PPARGC1A: variants seen among roughly 807,000 people sequenced by gnomAD.
PPARGC1A encodes the protein peroxisome proliferator-activated receptor gamma coactivator 1-alpha.
In PPARGC1A, 25 loss-of-function variants were observed where a neutral mutation model predicts 88.7. The ratio of observed to expected loss-of-function variants is 0.28; its 90% CI spans 0.21 to 0.39. PPARGC1A has a LOEUF of 0.39. Ranked by LOEUF, PPARGC1A falls within the 10% of genes least tolerant of loss-of-function variation. The pLI, the probability that PPARGC1A is intolerant of heterozygous loss-of-function variation, is 1.00. For synonymous variants in PPARGC1A, 363 were observed against 355.6 expected, an observed-to-expected ratio of 1.02 and a Z score of -0.24; for missense variants, 880 against 968.7, an observed-to-expected ratio of 0.91 and a Z score of 1.22.
chr4:24,410,833 G>A, the PPARGC1A span, among the ~76,000 whole-genome samples: 1 of 152,124 alleles, frequency 6.6e-6, no homozygotes, highest in Non-Finnish European at 1.5e-5. Context: ...GTTCGCCAGG[G>A]GCTCCCAGGC....
chr4:24,122,210 A>G, the PPARGC1A span, among the ~76,000 whole-genome samples: 29 of 152,178 alleles, frequency 1.9e-4, no homozygotes, highest in Non-Finnish European at 3.5e-4. Flanking sequence ...GTCTGACTTC[A>G]GGCCAAGCCA....
the PPARGC1A span, among the ~76,000 whole-genome samples, chr4:24,241,190 C>T: frequency 6.6e-6 from 1 of 151,974 alleles, no homozygotes; most frequent in African/African-American, 2.4e-5. Flanking sequence ...GCCCAAATTC[C>T]TTGTGGATCA....
the PPARGC1A span, among the ~76,000 whole-genome samples, chr4:24,180,207 G>A: frequency 2.4e-4 from 36 of 152,138 alleles, no homozygotes; most frequent in Admixed American, 5.9e-4. Context: ...TCTCCAAATC[G>A]TATTCATTTA....
chr4:24,325,652 CCTT>C, the PPARGC1A span, among the ~76,000 whole-genome samples: 7 of 152,136 alleles, frequency 4.6e-5, no homozygotes, highest in African/African-American at 1.7e-4. Flanking sequence ...CTGACCGACT[CCTT>C]CTCGGCTTAG....
chr4:23,799,522 G>A (rs1718269603), intron 12 of PPARGC1A, among the ~76,000 whole-genome samples: 1 of 152,302 alleles, frequency 6.6e-6, no homozygotes, highest in Admixed American at 6.5e-5. Flanking sequence ...CCAAAGCCTG[G>A]CCTCTTCAGA....
At chr4:24,357,611 T>C in the PPARGC1A span, among the ~76,000 whole-genome samples, 1 of 152,210 alleles carries the variant, frequency 6.6e-6, no homozygotes, top group Non-Finnish European at 1.5e-5. Context: ...TCGATATGGT[T>C]TTGCTGTGTC....
chr4:23,832,672 C>A (rs1372281530), intron 2 of PPARGC1A, among the ~76,000 whole-genome samples: 1 of 149,132 alleles, frequency 6.7e-6, no homozygotes, highest in Non-Finnish European at 1.5e-5. Context: ...TGCAGTGGCG[C>A]GATCTCGGCT....
At chr4:24,360,951 C>T in the PPARGC1A span, among the ~76,000 whole-genome samples, 2 of 152,282 alleles carry the variant, frequency 1.3e-5, no homozygotes, top group South Asian at 2.1e-4. Flanking sequence ...AGCTAGTGCT[C>T]ATTTAGGCAC....
chr4:24,124,877 T>A, the PPARGC1A span, among the ~76,000 whole-genome samples: 2 of 152,160 alleles, frequency 1.3e-5, no homozygotes, highest in African/African-American at 4.8e-5. Context: ...AGCTTGCTGA[T>A]CATATCACTG....
the PPARGC1A span, among the ~76,000 whole-genome samples, chr4:24,409,496 A>G: frequency 6.6e-6 from 1 of 152,230 alleles, no homozygotes; most frequent in South Asian, 2.1e-4. Flanking sequence ...TGTACACCGG[A>G]AAGTGCTACA....
At chr4:23,798,078 A>G (rs1717959375) in intron 12 of PPARGC1A, among the ~76,000 whole-genome samples, 1 of 151,962 alleles carries the variant, frequency 6.6e-6, no homozygotes, top group African/African-American at 2.4e-5. Flanking sequence ...TGCCCACCAG[A>G]GAACAACCCC....
the PPARGC1A span, among the ~76,000 whole-genome samples, chr4:24,291,711 C>T: frequency 6.6e-6 from 1 of 152,152 alleles, no homozygotes; most frequent in South Asian, 2.1e-4. Flanking sequence ...TGAAGCTGAA[C>T]TCAGCGGCTC....
At chr4:24,392,401 C>T in the PPARGC1A span, among the ~76,000 whole-genome samples, 1 of 152,192 alleles carries the variant, frequency 6.6e-6, no homozygotes, top group Non-Finnish European at 1.5e-5. Flanking sequence ...AGATGGCTAA[C>T]CATGATGCCT....
At chr4:24,217,265 T>C in the PPARGC1A span, among the ~76,000 whole-genome samples, 1 of 152,210 alleles carries the variant, frequency 6.6e-6, no homozygotes, top group African/African-American at 2.4e-5. Context: ...CTGCTTCAAC[T>C]ACCTGAGATG....
chr4:24,462,289 G>A, the PPARGC1A span, among the ~76,000 whole-genome samples: 1 of 149,426 alleles, frequency 6.7e-6, no homozygotes, highest in African/African-American at 2.5e-5. Flanking sequence ...TAGAGGCAGG[G>A]TTTCACCTTG....
At chr4:24,016,124 G>A in the PPARGC1A span, among the ~76,000 whole-genome samples, 1 of 152,106 alleles carries the variant, frequency 6.6e-6, no homozygotes, top group Non-Finnish European at 1.5e-5. Context: ...GTTTAAGCAA[G>A]GAAACAGTTT....
chr4:24,298,463 A>G, the PPARGC1A span, among the ~76,000 whole-genome samples: 2 of 152,180 alleles, frequency 1.3e-5, no homozygotes, highest in Non-Finnish European at 2.9e-5. Flanking sequence ...TTAAAATAGC[A>G]TCTATTATGT....
chr4:23,945,688 G>C, the PPARGC1A span, among the ~76,000 whole-genome samples: 1 of 152,190 alleles, frequency 6.6e-6, no homozygotes, highest in Non-Finnish European at 1.5e-5. Context: ...GGGGCAGATA[G>C]TGTGATAGGC....
At chr4:24,049,318 A>ATATG in the PPARGC1A span, among the ~76,000 whole-genome samples, 1 of 145,658 alleles carries the variant, frequency 6.9e-6, no homozygotes, top group Admixed American at 6.9e-5. Flanking sequence ...GTATATATAT[A>ATATG]TATATGTGTG....
Sources: gnomAD v4.1 joint callset for allele counts (sites outside exome capture counted in the v4.1 genomes callset) on GRCh38, gnomAD v4.1.1 for gene constraint, MANE v1.5 for transcripts, NCBI Gene and HGNC (gene_info 2026-07-23, HGNC 2026-07-21) for gene names.